The following MFHAS1 variants were observed in gnomAD, a reference collection of about 807,000 sequenced individuals.
MFHAS1 encodes multifunctional ROCO family signaling regulator 1, also known as malignant fibrous histiocytoma-amplified sequence 1.
A neutral mutation model predicts 70.4 loss-of-function variants in MFHAS1; 50 were observed. The ratio of observed to expected loss-of-function variants is 0.71; its 90% CI spans 0.57 to 0.90. The LOEUF (loss-of-function observed/expected upper bound fraction) is 0.90, where lower values mean the gene tolerates loss of function less well. Ranked by LOEUF, MFHAS1 falls within the 40% of genes least tolerant of loss-of-function variation. The pLI is 0.00. For synonymous variants in MFHAS1, 952 were observed against 620.0 expected (o/e 1.54, Z -7.96); for missense variants, 1,795 against 1,347.6 (o/e 1.33, Z -5.20).
chr8:8,799,440 T>C (rs1248426931), intron 1 of MFHAS1, among the ~76,000 whole-genome samples: 4 of 152,330 alleles, frequency 2.6e-5, no homozygotes, highest in Non-Finnish European at 5.9e-5. Context: ...CGTATAATGA[T>C]ATGAAATTCC....
Position 8,784,910 on chromosome 8 carries a change from G to A in MFHAS1, c.*1112C>T, listed in dbSNP as rs567827331. 11 of 152,268 alleles carry A rather than the reference G, an allele frequency of 7.2e-5. No individual in the cohort carries two copies. The highest frequency in any genetic ancestry group is 3.4e-3 in the Middle Eastern group (1 of 294). The allele number at this position is 152,268 out of a possible 1,614,324, so 9.4% of individuals were successfully genotyped here. A position where few individuals can be genotyped will look rare whatever the true frequency, so the allele number is the denominator to read the frequency against. Reference sequence around the variant, plus strand: ...TATTACTAGTTCTTGGCAGGAGACCGTCCAATCAGAGGCTCTGTATTTATA... The same window carrying A: ...TATTACTAGTTCTTGGCAGGAGACCATCCAATCAGAGGCTCTGTATTTATA... On this transcript the variant is annotated 3_prime_UTR_variant, in exon 3 of 3. Transcript: ENST00000276282.
At chr8:8,786,285 C>T (rs949161807) in intron 2 of MFHAS1, among the ~76,000 whole-genome samples, 4 of 152,198 alleles carry the variant, frequency 2.6e-5, no homozygotes, top group Non-Finnish European at 4.4e-5. Context: ...GTGTTAAGCT[C>T]AGTTCAGCTA....
At chr8:8,806,821 C>T (rs774593943) in intron 1 of MFHAS1, among the ~76,000 whole-genome samples, 2 of 151,950 alleles carry the variant, frequency 1.3e-5, no homozygotes, top group Non-Finnish European at 2.9e-5. Flanking sequence ...ATTAGCCAGG[C>T]GAGGTGGTAC....
intron 1 of MFHAS1, among the ~76,000 whole-genome samples, chr8:8,813,520 C>T (rs1806627536): frequency 6.6e-6 from 1 of 152,076 alleles, no homozygotes; most frequent in Non-Finnish European, 1.5e-5. Context: ...TGATCCTGAC[C>T]CTGTGTAGGC....
intron 1 of MFHAS1, among the ~76,000 whole-genome samples, chr8:8,805,968 G>A (rs552512737): frequency 2.6e-5 from 4 of 152,312 alleles, no homozygotes; most frequent in Admixed American, 2.0e-4. Flanking sequence ...CCAAAGTGCT[G>A]GGATTACAGG....
At chr8:8,793,398 T>C (rs1805784965) in intron 2 of MFHAS1, among the ~76,000 whole-genome samples, 1 of 152,132 alleles carries the variant, frequency 6.6e-6, no homozygotes. Flanking sequence ...ATTTGACCAA[T>C]AAAGGAGAGG....
Position 8,891,214 on chromosome 8 carries a change from G to T in MFHAS1, c.1845C>A (p.Asn615Lys). The T allele has an allele frequency of 6.2e-7, 1 of 1,612,732 alleles. No homozygotes were observed. Among genetic ancestry groups the T allele is most frequent in the Non-Finnish European group, 8.5e-7 (1 of 1,180,046 alleles). Reference sequence around the variant, plus strand: ...CGGGGGAGAGGATCTGCAGCCGGTGGTTGAGCAGGTATTGAAAATGGGCCT... The same window carrying T: ...CGGGGGAGAGGATCTGCAGCCGGTGTTTGAGCAGGTATTGAAAATGGGCCT... The part of the protein sequence containing the change: ...RRKAHFQYLL[N>K]HRLQILSPVL... Residue 615 changes from asparagine to lysine, a missense_variant, in exon 1 of 3, where the codon AAC becomes AAA. Physicochemically the swap from Asn to Lys is moderately conservative, Grantham distance 94 (BLOSUM62 0). Transcript: ENST00000276282. The surrounding 1 kb of genome is among the most constrained non-coding windows in gnomAD (Gnocchi z 5.4).
At chr8:8,832,605 G>A (rs963058215) in intron 1 of MFHAS1, among the ~76,000 whole-genome samples, 2 of 149,764 alleles carry the variant, frequency 1.3e-5, no homozygotes, top group East Asian at 2.0e-4. Flanking sequence ...TGATGAACAT[G>A]TGATGCAACC....
At chr8:8,810,417 G>C (rs1382858414) in intron 1 of MFHAS1, among the ~76,000 whole-genome samples, 1 of 152,140 alleles carries the variant, frequency 6.6e-6, no homozygotes, top group Non-Finnish European at 1.5e-5. Flanking sequence ...AACAACAAAG[G>C]TTTGAACCAT....
intron 1 of MFHAS1, among the ~76,000 whole-genome samples, chr8:8,822,391 T>C (rs1447747587): frequency 1.4e-5 from 2 of 147,162 alleles, no homozygotes; most frequent in African/African-American, 5.1e-5. Flanking sequence ...GGGACAGAGA[T>C]GGGGGCAGGG....
At chr8:8,800,238 C>T (rs1806042283) in intron 1 of MFHAS1, among the ~76,000 whole-genome samples, 1 of 152,202 alleles carries the variant, frequency 6.6e-6, no homozygotes, top group African/African-American at 2.4e-5. Flanking sequence ...AACCAAACTC[C>T]TGTAAACAGC....
chr8:8,837,570 G>C (rs924810014), intron 1 of MFHAS1, among the ~76,000 whole-genome samples: 5 of 151,988 alleles, frequency 3.3e-5, no homozygotes, highest in African/African-American at 1.2e-4. Context: ...TTGAACCCAG[G>C]AGGCGGAGGT....
In MFHAS1 at chr8:8,890,932, C is replaced by G; in HGVS notation, c.2127G>C (p.Glu709Asp). 3 of 1,614,110 alleles carry G rather than the reference C, an allele frequency of 1.9e-6. No homozygotes were observed. Among genetic ancestry groups the G allele is most frequent in the South Asian group, 1.1e-5 (1 of 91,084 alleles). The change falls in exon 1 of 3, where the codon GAG (glutamate) becomes GAC (aspartate). Residue 709 changes from glutamate (E) to aspartate (D), a missense_variant. Transcript: ENST00000276282. ...CCTCAAAGTAGAGTAGCTTGCCGCT[C>G]TCATGCAGGTAGGAGAGGGCACTCT... ...RLQSALSYLH[E>D]SGKLLYFEDS...
chr8:8,794,704 G>T (rs1805833401), intron 2 of MFHAS1, among the ~76,000 whole-genome samples: 1 of 151,182 alleles, frequency 6.6e-6, no homozygotes, highest in African/African-American at 2.4e-5. Flanking sequence ...GAATTATATT[G>T]CAAAGCTGTC....
chr8:8,849,161 A>C (rs1808148921), intron 1 of MFHAS1, among the ~76,000 whole-genome samples: 1 of 134,994 alleles, frequency 7.4e-6, no homozygotes, highest in South Asian at 2.3e-4. Flanking sequence ...GCTCACTGCA[A>C]CCTCTGCCTC....
chr8:8,789,186 G>T (rs1429118507), intron 2 of MFHAS1, among the ~76,000 whole-genome samples: 3 of 152,128 alleles, frequency 2.0e-5, no homozygotes. Flanking sequence ...TGAAGATGTG[G>T]GTCAAATTCA....
chr8:8,883,984 G>C (rs1270635734), intron 1 of MFHAS1, among the ~76,000 whole-genome samples: 1 of 150,300 alleles, frequency 6.7e-6, no homozygotes, highest in Non-Finnish European at 1.5e-5. Context: ...GACCATTTGA[G>C]GCCAGGAGAT....
At chr8:8,807,966 C>A (rs969190728) in intron 1 of MFHAS1, among the ~76,000 whole-genome samples, 1 of 152,226 alleles carries the variant, frequency 6.6e-6, no homozygotes, top group Non-Finnish European at 1.5e-5. Flanking sequence ...AGCCATCAAT[C>A]TGGGTCTGAA....
At position 8,786,017 on chromosome 8, in the gene MFHAS1, A is replaced by G. The variant is rs774676563; in HGVS notation, c.*5T>C. On this transcript the variant is annotated 3_prime_UTR_variant, in exon 3 of 3. Coordinates refer to ENST00000276282, the MANE Select transcript of MFHAS1 (RefSeq NM_004225.3). The stretch of plus-strand genomic sequence containing the variant: ...TTCTCCATGGAAATTCCACAGCCAC[A>G]AACGTCACTGGTTTCTGTGCTTTTC... The G allele has an allele frequency of 1.9e-6, 3 of 1,614,132 alleles. No individual in the cohort carries two copies. Among genetic ancestry groups the G allele is most frequent in the Non-Finnish European group, 2.5e-6 (3 of 1,179,994 alleles).
Sources: allele counts gnomAD v4.1 joint callset (sites outside exome capture counted in the v4.1 genomes callset), GRCh38; gene constraint gnomAD v4.1.1; non-coding constraint Gnocchi (gnomAD v3.1); transcripts MANE v1.5; gene names NCBI Gene and HGNC (gene_info 2026-07-23, HGNC 2026-07-21).